PDXDC1: variants seen among roughly 807,000 people sequenced by gnomAD.
PDXDC1 encodes pyridoxal dependent decarboxylase domain containing 1.
Under a neutral mutation model 100.1 loss-of-function variants are expected in PDXDC1, and 42 were observed. The observed-to-expected ratio is 0.42, with a 90% CI of 0.33 to 0.54. The LOEUF (loss-of-function observed/expected upper bound fraction) is 0.54. PDXDC1 is among the 20% of genes least tolerant of loss of function. PDXDC1 has a pLI of 0.10. For synonymous variants in PDXDC1, 260 were observed against 371.7 expected (o/e 0.70, Z 3.46); for missense variants, 636 against 979.2 (o/e 0.65, Z 4.68).
downstream of PDXDC1, chr16:15,041,013 CT>C (rs949910622): frequency 3.2e-6 from 4 of 1,237,024 alleles, no homozygotes; most frequent in Admixed American, 6.7e-5. Context: ...CTGAATTAGA[CT>C]TTAACTGCAC....
downstream of PDXDC1, among the ~76,000 whole-genome samples, chr16:15,141,959 G>A (rs1328196129): frequency 6.6e-6 from 1 of 152,172 alleles, no homozygotes; most frequent in Non-Finnish European, 1.5e-5. Context: ...GAGGCACCAG[G>A]ACCTGAGGCG....
At chr16:14,983,829 G>A (rs1243627487) in intron 1 of PDXDC1, among the ~76,000 whole-genome samples, 1 of 152,262 alleles carries the variant, frequency 6.6e-6, no homozygotes, top group Non-Finnish European at 1.5e-5. Flanking sequence ...TTTGTGTTTT[G>A]GAAGTTGTAT....
intron 16 of PDXDC1, chr16:15,125,823 A>G (rs755611566): frequency 2.3e-5 from 24 of 1,021,910 alleles, no homozygotes; most frequent in Non-Finnish European, 3.6e-5. Flanking sequence ...GGACGACAGC[A>G]GTGGTCAGCG....
chr16:15,125,588 G>A, intron 16 of PDXDC1: 4 of 1,447,426 alleles, frequency 2.8e-6, no homozygotes, highest in South Asian at 2.3e-5. Context: ...CTCTTCACCT[G>A]TCCAGCAAAG....
chr16:15,020,192 C>T (rs2042084671), intron 12 of PDXDC1, among the ~76,000 whole-genome samples: 1 of 151,628 alleles, frequency 6.6e-6, no homozygotes, highest in South Asian at 2.1e-4. Context: ...CCTCCCTAAG[C>T]TCAGAAGTGC....
At chr16:15,112,068 C>G (rs1273579935) in intron 16 of PDXDC1, among the ~76,000 whole-genome samples, 1 of 147,816 alleles carries the variant, frequency 6.8e-6, no homozygotes, top group Non-Finnish European at 1.5e-5. Context: ...AAAACATTCT[C>G]ACTAATGACT....
chr16:15,046,429 C>T (rs995844519), intron 16 of PDXDC1, among the ~76,000 whole-genome samples: 1 of 152,148 alleles, frequency 6.6e-6, no homozygotes, highest in African/African-American at 2.4e-5. Context: ...AGGCCTGTGT[C>T]GTCGGCCTCC....
At chr16:15,035,586 C>G in intron 22 of PDXDC1, 33 bp downstream of exon 22, 1 of 1,339,980 alleles carries the variant, frequency 7.5e-7, no homozygotes, top group Middle Eastern at 2.3e-4. Context: ...GTTCAGGTAA[C>G]AGGTTTCCCC....
chr16:14,984,276 A>G (rs980492472), intron 1 of PDXDC1, among the ~76,000 whole-genome samples: 28 of 141,552 alleles, frequency 2.0e-4, no homozygotes, highest in African/African-American at 6.9e-4. Flanking sequence ...CTGTCACTCT[A>G]GACCTCTTTA....
intron 16 of PDXDC1, among the ~76,000 whole-genome samples, chr16:15,053,660 C>G (rs1034281851): frequency 6.6e-6 from 1 of 152,078 alleles, no homozygotes. Flanking sequence ...CCGGTAATCC[C>G]AGCACTTTGG....
downstream of PDXDC1, chr16:15,039,918 T>C (rs775797408): frequency 4.8e-6 from 5 of 1,049,744 alleles, no homozygotes; most frequent in African/African-American, 6.5e-5. Flanking sequence ...GGCCTTGACA[T>C]TTGATGCCTT....
intron 16 of PDXDC1, chr16:15,104,236 T>A (rs2046677540): frequency 8.1e-7 from 1 of 1,238,130 alleles, no homozygotes; most frequent in African/African-American, 1.6e-5. Context: ...AAAAAACCCC[T>A]ACGATTAAAA....
intron 16 of PDXDC1, chr16:15,091,202 G>C (rs2151826579): frequency 7.7e-7 from 1 of 1,295,154 alleles, no homozygotes; most frequent in Admixed American, 2.5e-5. Context: ...ATTAAAATAA[G>C]GGAGGACCAT....
chr16:15,133,115 A>G, intron 16 of PDXDC1: 1 of 637,166 alleles, frequency 1.6e-6, no homozygotes, highest in South Asian at 1.9e-5. Flanking sequence ...GGCTGCTGGG[A>G]GCGGAACGTC....
At chr16:15,040,170 T>G (rs1218453164), downstream of PDXDC1, 14 of 632,516 alleles carry the variant, frequency 2.2e-5, no homozygotes, top group Non-Finnish European at 3.6e-5. Flanking sequence ...GATAGGAAAG[T>G]GAACAGAATG....
chr16:15,094,176 C>T (rs753124297), intron 16 of PDXDC1: 1 of 1,602,376 alleles, frequency 6.2e-7, no homozygotes, highest in African/African-American at 1.3e-5. Flanking sequence ...TTCTTAACTG[C>T]AGAGGACGAA....
intron 1 of PDXDC1, chr16:14,989,666 CA>C: frequency 1.3e-6 from 2 of 1,562,172 alleles, no homozygotes; most frequent in Non-Finnish European, 1.7e-6. Flanking sequence ...GGCCGGCGGC[CA>C]CGGGGCCAGG....
chr16:15,058,861 C>T (rs1386414476), intron 16 of PDXDC1, among the ~76,000 whole-genome samples: 1 of 152,174 alleles, frequency 6.6e-6, no homozygotes, highest in Non-Finnish European at 1.5e-5. Flanking sequence ...TCTCAAACTC[C>T]TGGCTTCAAG....
intron 16 of PDXDC1, among the ~76,000 whole-genome samples, chr16:15,076,130 C>A (rs1177033926): frequency 6.6e-6 from 1 of 152,152 alleles, no homozygotes; most frequent in Non-Finnish European, 1.5e-5. Context: ...TCCCTGACAC[C>A]CTCTGTCCCA....
Sources: allele counts gnomAD v4.1 joint callset (sites outside exome capture counted in the v4.1 genomes callset), GRCh38; gene constraint gnomAD v4.1.1; transcripts MANE v1.5; gene names NCBI Gene and HGNC (gene_info 2026-07-23, HGNC 2026-07-21).